The following RTN1 variants were observed in gnomAD, a reference collection of about 807,000 sequenced individuals.
The protein encoded by RTN1 is reticulon 1, also known as reticulon-1.
In RTN1, 25 loss-of-function variants were observed where a neutral mutation model predicts 65.5. The ratio of observed to expected loss-of-function variants is 0.38; its 90% confidence interval spans 0.28 to 0.53. The LOEUF (loss-of-function observed/expected upper bound fraction) is 0.53, where lower values mean the gene tolerates loss of function less well. RTN1 is among the 20% of genes least tolerant of loss of function. The pLI is 0.79. For missense variants in RTN1, 983 were observed against 1,025.4 expected, an observed-to-expected ratio of 0.96 and a Z score of 0.57; for synonymous variants, 471 against 447.6, an observed-to-expected ratio of 1.05 and a Z score of -0.66.
chr14:59,636,806 A>G lies in RTN1; in HGVS notation c.1766-29314T>C, dbSNP rs1882675928. On this transcript the variant is annotated intron_variant, in intron 3 of 8. Coordinates refer to ENST00000267484, the MANE Select transcript of RTN1 (RefSeq NM_021136.3). ...CTATACTGTAGTCTATTAATTGTGC[A>G]ATAGCATTATGATTACAAAAAATTC... is the stretch of plus-strand genomic sequence containing the variant. 2.0e-5 allele frequency among the ~76,000 whole-genome samples: 3 copies of G among 152,264 alleles called. No homozygotes were observed. The South Asian group carries it at 6.2e-4, about 31-fold the overall frequency.
At chr14:59,636,471 C>T (rs1035013730) in intron 3 of RTN1, among the ~76,000 whole-genome samples, 3 of 152,308 alleles carry the variant, frequency 2.0e-5, no homozygotes, top group African/African-American at 7.2e-5. Flanking sequence ...TCGTGGCATA[C>T]TTGTACAGCC....
At chr14:59,636,221 G>A (rs1882662169) in intron 3 of RTN1, among the ~76,000 whole-genome samples, 2 of 152,166 alleles carry the variant, frequency 1.3e-5, no homozygotes, top group South Asian at 4.1e-4. Flanking sequence ...TTGGAGGTGG[G>A]GCCTGGTGGG....
intron 1 of RTN1, among the ~76,000 whole-genome samples, chr14:59,800,928 G>T (rs1186272690): frequency 6.6e-6 from 1 of 151,780 alleles, no homozygotes; most frequent in Non-Finnish European, 1.5e-5. Flanking sequence ...TAATGTAAAT[G>T]CTGGAAATAA....
intron 1 of RTN1, among the ~76,000 whole-genome samples, chr14:59,796,981 A>G (rs1169358025): frequency 1.3e-5 from 2 of 152,214 alleles, no homozygotes; most frequent in East Asian, 3.8e-4. Flanking sequence ...CAGGTATGTT[A>G]AGGTTATATA....
Position 59,750,525 on chromosome 14 carries a change from AAT to A in RTN1, c.242-4046_242-4045del, listed in dbSNP as rs372306058. Among the ~76,000 whole-genome samples, 34 of 28,056 alleles carry A rather than the reference AAT, an allele frequency of 1.2e-3. 1 individual carries two copies. Among genetic ancestry groups the A allele is most frequent in the African/African-American group, 2.7e-3 (14 of 5,180 alleles). The allele number at this position is 28,056 out of a possible 152,430, so 18.4% of individuals were successfully genotyped here. A position where few individuals can be genotyped will look rare whatever the true frequency, so the allele number is the denominator to read the frequency against. On this transcript the variant is annotated intron_variant, in intron 1 of 8. Coordinates refer to ENST00000267484, the MANE Select transcript of RTN1 (RefSeq NM_021136.3). ...TCTATAATATATATAATATATCTAT[AAT>A]ATATATAATATATCTATAATATATA...
At chr14:59,726,362 T>TG (rs1416789730) in intron 3 of RTN1, among the ~76,000 whole-genome samples, 4 of 152,338 alleles carry the variant, frequency 2.6e-5, no homozygotes, top group African/African-American at 9.6e-5. Context: ...GACCCAACTG[T>TG]GGTCTCTGTC....
intron 1 of RTN1, among the ~76,000 whole-genome samples, chr14:59,750,265 A>AATATTATATCT (rs1885450486): frequency 1.2e-4 from 2 of 16,866 alleles, no homozygotes; most frequent in African/African-American, 3.6e-4. Flanking sequence ...TAATATATAT[A>AATATTATATCT]ATATCTATAA....
chr14:59,838,574 T>G (rs893539869), intron 1 of RTN1, among the ~76,000 whole-genome samples: 8 of 152,106 alleles, frequency 5.3e-5, no homozygotes, highest in African/African-American at 1.9e-4. Context: ...TCAGAAGATG[T>G]TGAAAATACC....
intron 3 of RTN1, among the ~76,000 whole-genome samples, chr14:59,640,501 G>A (rs896496874): frequency 1.8e-4 from 27 of 152,160 alleles, no homozygotes; most frequent in Non-Finnish European, 3.2e-4. Context: ...ATTTTTAGTA[G>A]AGATGGGGTT....
chr14:59,750,157 A>AT (rs1566713213), intron 1 of RTN1, among the ~76,000 whole-genome samples: 29 of 52,544 alleles, frequency 5.5e-4, no homozygotes, highest in Non-Finnish European at 8.1e-4. Context: ...TATTATAGAT[A>AT]ATATATATTA....
rs761809922 is a variant in RTN1 at position 59,727,419 on chromosome 14, G to C, written c.1265C>G (p.Ala422Gly). 1.0e-5 allele frequency: 16 copies of C among 1,551,290 alleles called. No homozygotes were observed. In the African/African-American group the frequency reaches 1.4e-4, roughly 13 times the overall value. ...GCCTGAGGGCAGCGCGTCCTCCGCG[G>C]CCATGGGGTCCTCGGACACCAGCTC... ...EIELVSEDPM[A>G]AEDALPSGYV... Residue 422 changes from alanine to glycine, a missense_variant, in exon 3 of 9, where the codon GCC becomes GGC. Transcript: ENST00000267484. The surrounding 1 kb of genome is among the most constrained non-coding windows in gnomAD (Gnocchi z 4.2).
chr14:59,781,403 T>C (rs1052151992), intron 1 of RTN1, among the ~76,000 whole-genome samples: 2 of 152,050 alleles, frequency 1.3e-5, no homozygotes, highest in Admixed American at 1.3e-4. Context: ...TGAATATGCA[T>C]ATATGAATGT....
chr14:59,814,846 A>G (rs1240102557), intron 1 of RTN1, among the ~76,000 whole-genome samples: 2 of 152,236 alleles, frequency 1.3e-5, no homozygotes, highest in Non-Finnish European at 2.9e-5. Flanking sequence ...TTTTATCCTT[A>G]TAAGGAAAAG....
chr14:59,747,950 T>TG (rs1444597134), intron 1 of RTN1, among the ~76,000 whole-genome samples: 1 of 152,194 alleles, frequency 6.6e-6, no homozygotes, highest in East Asian at 1.9e-4. Context: ...ATAGCTAACA[T>TG]GCGAGTGCTT....
At chr14:59,767,391 GAGC>G (rs1885869767) in intron 1 of RTN1, among the ~76,000 whole-genome samples, 1 of 152,178 alleles carries the variant, frequency 6.6e-6, no homozygotes, top group South Asian at 2.1e-4. Context: ...AAGGGGTGAT[GAGC>G]AGAAGGAATA....
At chr14:59,783,026 T>C in intron 1 of RTN1, among the ~76,000 whole-genome samples, 1 of 152,072 alleles carries the variant, frequency 6.6e-6, no homozygotes, top group East Asian at 1.9e-4. Context: ...TCCCATTTAC[T>C]CCCCACAACC....
chr14:59,736,190 T>C (rs1884998124), intron 2 of RTN1, among the ~76,000 whole-genome samples: 1 of 151,422 alleles, frequency 6.6e-6, no homozygotes, highest in South Asian at 2.1e-4. Flanking sequence ...AAAGATGAAC[T>C]GAAGGAGACA....
At chr14:59,807,610 T>C (rs1031372247) in intron 1 of RTN1, among the ~76,000 whole-genome samples, 16 of 152,220 alleles carry the variant, frequency 1.1e-4, no homozygotes, top group African/African-American at 3.9e-4. Context: ...CTGGCTCCTC[T>C]TTTCCACTGA....
chr14:59,723,470 C>T (rs1011092058), intron 3 of RTN1, among the ~76,000 whole-genome samples: 3 of 151,348 alleles, frequency 2.0e-5, no homozygotes, highest in African/African-American at 4.9e-5. Flanking sequence ...AAAAATTAGC[C>T]GGGCGTGGTG....
Sources: allele counts gnomAD v4.1 joint callset (sites outside exome capture counted in the v4.1 genomes callset), GRCh38; gene constraint gnomAD v4.1.1; non-coding constraint Gnocchi (gnomAD v3.1); transcripts MANE v1.5; gene names NCBI Gene and HGNC (gene_info 2026-07-23, HGNC 2026-07-21).